The following FAF1 variants were observed in gnomAD, a reference collection of about 807,000 sequenced individuals.
The protein encoded by FAF1 is FAS-associated factor 1.
FAF1 carries 25 observed loss-of-function variants against 92.5 expected under a neutral mutation model. The ratio of observed to expected loss-of-function variants is 0.27; its 90% CI spans 0.20 to 0.38. The LOEUF is 0.38. Ranked by LOEUF, FAF1 falls within the 10% of genes least tolerant of loss-of-function variation. FAF1 has a pLI of 1.00. For missense variants in FAF1, 636 were observed against 793.3 expected (o/e 0.80, Z 2.38); for synonymous variants, 234 against 273.2 (o/e 0.86, Z 1.42).
intron 3 of FAF1, 24 bp from the exon 4 acceptor site, chr1:50,788,229 G>A (rs1233615413): frequency 1.3e-6 from 2 of 1,585,758 alleles, no homozygotes; most frequent in East Asian, 4.5e-5. Flanking sequence ...ATAAAAGAAG[G>A]ATTATTGTCA....
intron 17 of FAF1, among the ~76,000 whole-genome samples, chr1:50,487,482 G>C (rs1646781598): frequency 6.6e-6 from 1 of 152,034 alleles, no homozygotes; most frequent in Non-Finnish European, 1.5e-5. Context: ...ATTCATGTAA[G>C]TTTCTTGAAA....
At chr1:50,957,762 CATA>C (rs1274897113) in intron 1 of FAF1, among the ~76,000 whole-genome samples, 2 of 151,956 alleles carry the variant, frequency 1.3e-5, no homozygotes, top group African/African-American at 2.4e-5. Context: ...AACAGTTAAG[CATA>C]ATAATTGTCA....
chr1:50,660,550 G>A (rs191787214), intron 7 of FAF1, among the ~76,000 whole-genome samples: 1 of 151,574 alleles, frequency 6.6e-6, no homozygotes, highest in East Asian at 1.9e-4. Flanking sequence ...AGGCCAGAGT[G>A]CAGTAGGTTC....
chr1:50,752,834 C>T (rs900242060), intron 4 of FAF1, among the ~76,000 whole-genome samples: 2 of 151,990 alleles, frequency 1.3e-5, no homozygotes, highest in African/African-American at 4.8e-5. Flanking sequence ...AGGTACACAC[C>T]GCCACACCTG....
At chr1:50,738,730 C>T in intron 6 of FAF1, 133 bp downstream of exon 6, 1 of 618,656 alleles carries the variant, frequency 1.6e-6, no homozygotes, top group Non-Finnish European at 2.9e-6. Context: ...ACCTGATATA[C>T]TTCATAGTAG....
chr1:50,630,754 C>G (rs1251653204), intron 8 of FAF1, among the ~76,000 whole-genome samples: 1 of 150,990 alleles, frequency 6.6e-6, no homozygotes, highest in African/African-American at 2.4e-5. Context: ...TCTCTTTTTC[C>G]TCTTTTGTTT....
chr1:50,836,835 A>G (rs1570029572), intron 2 of FAF1, among the ~76,000 whole-genome samples: 1 of 152,086 alleles, frequency 6.6e-6, no homozygotes, highest in Non-Finnish European at 1.5e-5. Context: ...TATAACCACA[A>G]TATCATTATC....
chr1:50,769,336 T>C (rs962336959), intron 4 of FAF1, among the ~76,000 whole-genome samples: 3 of 152,172 alleles, frequency 2.0e-5, no homozygotes, highest in Non-Finnish European at 4.4e-5. Context: ...CAGGACCAGA[T>C]GAGCTCACAG....
chr1:50,877,347 CA>C (rs1228400391), intron 1 of FAF1, among the ~76,000 whole-genome samples: 1 of 152,110 alleles, frequency 6.6e-6, no homozygotes, highest in Non-Finnish European at 1.5e-5. Flanking sequence ...GTACACTTTA[CA>C]AAATACTTGA....
chr1:50,554,464 G>T (rs1649473510), intron 13 of FAF1, among the ~76,000 whole-genome samples: 1 of 149,234 alleles, frequency 6.7e-6, no homozygotes, highest in East Asian at 2.0e-4. Context: ...AATTAATTAA[G>T]TAGGTACTTA....
intron 1 of FAF1, among the ~76,000 whole-genome samples, chr1:50,957,170 T>C (rs1645273388): frequency 6.6e-6 from 1 of 152,106 alleles, no homozygotes; most frequent in African/African-American, 2.4e-5. Context: ...TTTTCTTCTA[T>C]CAATAACATT....
intron 2 of FAF1, among the ~76,000 whole-genome samples, chr1:50,820,752 T>A (rs955833619): frequency 6.6e-6 from 1 of 152,156 alleles, no homozygotes; most frequent in Non-Finnish European, 1.5e-5. Context: ...GATGTTGGTC[T>A]TTTTGTGTCT....
chr1:50,547,489 C>T (rs944560811), intron 13 of FAF1, among the ~76,000 whole-genome samples: 1 of 151,788 alleles, frequency 6.6e-6, no homozygotes, highest in African/African-American at 2.4e-5. Context: ...TCTAGGCTCA[C>T]CTCAACCTCC....
At chr1:50,636,379 C>CTT (rs1213567555) in intron 8 of FAF1, among the ~76,000 whole-genome samples, 2,731 of 79,814 alleles carry the variant, frequency 0.034, 93 homozygotes, top group African/African-American at 0.066. Context: ...GGGGCGTGTC[C>CTT]TTTTTTTTTT....
intron 4 of FAF1, among the ~76,000 whole-genome samples, chr1:50,757,222 AG>A: frequency 6.6e-6 from 1 of 152,318 alleles, no homozygotes; most frequent in East Asian, 1.9e-4. Context: ...TGTTATAATG[AG>A]GAGTATTATA....
chr1:50,713,297 AGT>A (rs1658025226), intron 6 of FAF1, among the ~76,000 whole-genome samples: 1 of 149,262 alleles, frequency 6.7e-6, no homozygotes, highest in African/African-American at 2.5e-5. Context: ...TTTGAGACAC[AGT>A]CTCTCACTCT....
At chr1:50,550,091 C>A (rs1649234528) in intron 13 of FAF1, among the ~76,000 whole-genome samples, 1 of 151,768 alleles carries the variant, frequency 6.6e-6, no homozygotes, top group African/African-American at 2.4e-5. Context: ...GTAGCTCACG[C>A]CTGTAATCCC....
At chr1:50,732,668 G>A (rs1658977103) in intron 6 of FAF1, among the ~76,000 whole-genome samples, 2 of 151,774 alleles carry the variant, frequency 1.3e-5, no homozygotes, top group Non-Finnish European at 2.9e-5. Context: ...GGCTATTTTT[G>A]TAAATTCTAT....
intron 1 of FAF1, among the ~76,000 whole-genome samples, chr1:50,885,312 T>TCTCTCTCTCTCA (rs906105476): frequency 2.9e-5 from 4 of 137,370 alleles, no homozygotes; most frequent in African/African-American, 1.1e-4. Flanking sequence ...TCTCTCTCTC[T>TCTCTCTCTCTCA]CACACACACA....
Sources: gnomAD v4.1 joint callset for allele counts (sites outside exome capture counted in the v4.1 genomes callset) on GRCh38, gnomAD v4.1.1 for gene constraint, MANE v1.5 for transcripts, NCBI Gene and HGNC (gene_info 2026-07-23, HGNC 2026-07-21) for gene names.